Variants in CLSTN2 observed in about 807,000 individuals in gnomAD.
CLSTN2 encodes the protein calsyntenin-2.
A neutral mutation model predicts 101.2 loss-of-function variants in CLSTN2; 48 were observed. The ratio of observed to expected loss-of-function variants is 0.47; its 90% confidence interval spans 0.38 to 0.60. The LOEUF is 0.60. CLSTN2 is among the 20% of genes least tolerant of loss of function. CLSTN2 has a pLI of 0.00. For missense variants in CLSTN2, 1,160 were observed against 1,238.2 expected (o/e 0.94, Z 0.95); for synonymous variants, 481 against 463.6 (o/e 1.04, Z -0.48).
chr3:140,436,349 C>T (rs541870976), intron 5 of CLSTN2, among the ~76,000 whole-genome samples: 26 of 152,112 alleles, frequency 1.7e-4, no homozygotes, highest in Non-Finnish European at 2.6e-4. Context: ...CTGTCTTTTC[C>T]GCAGTGTATG....
At chr3:140,512,897 T>A (rs958395104) in intron 8 of CLSTN2, among the ~76,000 whole-genome samples, 2 of 152,160 alleles carry the variant, frequency 1.3e-5, no homozygotes, top group Non-Finnish European at 2.9e-5. Flanking sequence ...AGTTCATTCA[T>A]GATTTGGTTC....
intron 1 of CLSTN2, among the ~76,000 whole-genome samples, chr3:139,979,830 C>G (rs558649605): frequency 1.3e-5 from 2 of 152,112 alleles, no homozygotes; most frequent in African/African-American, 4.8e-5. Context: ...CAAAACTGAA[C>G]TCTTGGCTCC....
intron 16 of CLSTN2, among the ~76,000 whole-genome samples, chr3:140,565,655 A>G (rs1936011567): frequency 6.6e-6 from 1 of 152,244 alleles, no homozygotes; most frequent in Admixed American, 6.5e-5. Flanking sequence ...ACACAAGATC[A>G]AATGTCATCC....
chr3:140,248,684 C>G (rs2086537640), intron 2 of CLSTN2, among the ~76,000 whole-genome samples: 1 of 152,196 alleles, frequency 6.6e-6, no homozygotes, highest in South Asian at 2.1e-4. Flanking sequence ...CCAGTTCACT[C>G]TAGTGCAGGA....
At chr3:140,519,033 G>C (rs115707602) in intron 8 of CLSTN2, among the ~76,000 whole-genome samples, 5,076 of 152,122 alleles carry the variant, frequency 0.033, 272 homozygotes, top group African/African-American at 0.11. Context: ...TTGTCTCTTT[G>C]TTCTCATTAG....
chr3:139,950,608 C>T (rs563786590), intron 1 of CLSTN2, among the ~76,000 whole-genome samples: 3 of 152,262 alleles, frequency 2.0e-5, no homozygotes, highest in South Asian at 2.1e-4. Context: ...AACTTTCAAC[C>T]GTATCAGAAC....
At chr3:140,148,943 T>TCCAAA (rs2009821216) in intron 1 of CLSTN2, among the ~76,000 whole-genome samples, 2 of 152,270 alleles carry the variant, frequency 1.3e-5, no homozygotes, top group African/African-American at 4.8e-5. Context: ...GGCAGTGGTT[T>TCCAAA]ACTATGGGGG....
chr3:140,350,680 T>C (rs935464613), intron 2 of CLSTN2, among the ~76,000 whole-genome samples: 1 of 152,212 alleles, frequency 6.6e-6, no homozygotes, highest in Non-Finnish European at 1.5e-5. Context: ...AGTTCATATA[T>C]ATCTTTTGTA....
At position 139,953,346 on chromosome 3, in the gene CLSTN2, C is replaced by T. The variant is rs562587036; in HGVS notation, c.109+17863C>T. On this transcript the variant is annotated intron_variant, in intron 1 of 16. Coordinates refer to ENST00000458420, the MANE Select transcript of CLSTN2 (RefSeq NM_022131.3). ...TGATAAAACAATCTGTACACCACAC[C>T]CCTGTGACACGCAATTTACTCATGT... Among the ~76,000 whole-genome samples, 3 of 152,230 alleles carry T rather than the reference C, an allele frequency of 2.0e-5. No homozygotes were observed. In the South Asian group the frequency reaches 6.2e-4, roughly 32 times the overall value.
At chr3:140,028,344 G>A (rs1431139644) in intron 1 of CLSTN2, among the ~76,000 whole-genome samples, 2 of 152,140 alleles carry the variant, frequency 1.3e-5, no homozygotes, top group East Asian at 3.9e-4. Flanking sequence ...TTATCATTGT[G>A]CTGGAGCCTT....
intron 11 of CLSTN2, among the ~76,000 whole-genome samples, chr3:140,557,434 C>G (rs1382498053): frequency 6.6e-6 from 1 of 152,172 alleles, no homozygotes; most frequent in Non-Finnish European, 1.5e-5. Flanking sequence ...GGTGCTCCAC[C>G]CTTACAGGCT....
chr3:139,943,812 C>T (rs1253477460), intron 1 of CLSTN2, among the ~76,000 whole-genome samples: 1 of 152,214 alleles, frequency 6.6e-6, no homozygotes, highest in Non-Finnish European at 1.5e-5. Context: ...GTTAGGGGCT[C>T]AGGCATTCAC....
Position 140,373,375 on chromosome 3 carries a change from C to T in CLSTN2, c.233-30254C>T, listed in dbSNP as rs115548678. On this transcript the variant is annotated intron_variant, in intron 2 of 16. Transcript: ENST00000458420. ...CCCCCTACTGCTCCTTGAGTAACCA[C>T]CAAGCATAAAACATGCCCAGTGTTA... 1.8e-3 allele frequency among the ~76,000 whole-genome samples: 279 copies of T among 152,304 alleles called. 1 individual carries two copies. The highest frequency in any genetic ancestry group is 6.2e-3 in the African/African-American group (257 of 41,558).
chr3:140,532,430 G>A lies in CLSTN2; in HGVS notation c.1451G>A (p.Trp484Ter). 6.2e-7 allele frequency: 1 copy of A among 1,613,978 alleles called. No individual in the cohort carries two copies. The change falls in exon 9 of 17, where the codon TGG becomes TAG. Residue 484 changes from tryptophan (W) to a stop codon, truncating the protein, a stop_gained. Coordinates refer to ENST00000458420, the MANE Select transcript of CLSTN2 (RefSeq NM_022131.3). LOFTEE classifies it high-confidence loss of function. ...GAACCATACCTGGTGACCAACGACT[G>A]GCCCATTCATCCATCTCACATAGCC... ...TYEPYLVTNDWPIHPSHIAMQ... is the reference protein window; with the variant it reads ...TYEPYLVTND
At chr3:140,290,320 G>A (rs943238532) in intron 2 of CLSTN2, among the ~76,000 whole-genome samples, 25 of 152,254 alleles carry the variant, frequency 1.6e-4, no homozygotes, top group African/African-American at 5.8e-4. Flanking sequence ...TTTAAAAGGT[G>A]ACTAAGAGGA....
In CLSTN2 at chr3:140,384,083, G is replaced by A. The variant is rs144107462; in HGVS notation, c.233-19546G>A. Among the ~76,000 whole-genome samples, 462 of 152,268 alleles carry A rather than the reference G, an allele frequency of 3.0e-3. 3 individuals carry two copies. Among genetic ancestry groups the A allele is most frequent in the Middle Eastern group, 0.027 (8 of 294 alleles). On this transcript the variant is annotated intron_variant, in intron 2 of 16. Coordinates refer to ENST00000458420, the MANE Select transcript of CLSTN2 (RefSeq NM_022131.3). The stretch of plus-strand genomic sequence containing the variant: ...AACTTGGAAGCAGCCAACCTTTCAC[G>A]TTTACATTGGCTTTTTGTTGCCAAC...
chr3:140,019,562 G>A (rs1423618544), intron 1 of CLSTN2, among the ~76,000 whole-genome samples: 2 of 152,226 alleles, frequency 1.3e-5, no homozygotes, highest in Admixed American at 6.5e-5. Flanking sequence ...AGATGGCATA[G>A]TTGGGTATTT....
At chr3:140,230,601 T>C (rs72988193) in intron 2 of CLSTN2, among the ~76,000 whole-genome samples, 6,064 of 152,210 alleles carry the variant, frequency 0.04, 373 homozygotes, top group African/African-American at 0.14. Context: ...TTGTCAGACA[T>C]ATTGAAAAGA....
At chr3:140,524,079 T>C (rs1453578794) in intron 8 of CLSTN2, among the ~76,000 whole-genome samples, 1 of 152,048 alleles carries the variant, frequency 6.6e-6, no homozygotes, top group Non-Finnish European at 1.5e-5. Flanking sequence ...GTAAAGGAAG[T>C]GGAGAAAGAG....
Sources: allele counts gnomAD v4.1 joint callset (sites outside exome capture counted in the v4.1 genomes callset), GRCh38; gene constraint gnomAD v4.1.1; transcripts MANE v1.5; gene names NCBI Gene and HGNC (gene_info 2026-07-23, HGNC 2026-07-21).